Variants in GRID2 observed in about 807,000 individuals in gnomAD.
The protein encoded by GRID2 is glutamate ionotropic receptor delta type subunit 2, also known as glutamate receptor ionotropic, delta-2.
GRID2 carries 33 observed loss-of-function variants against 114.8 expected under a neutral mutation model. The observed-to-expected ratio is 0.29, with a 90% CI of 0.22 to 0.38. The LOEUF (loss-of-function observed/expected upper bound fraction) is 0.38, where lower values mean the gene tolerates loss of function less well. Among genes scored for constraint, GRID2 ranks in the 10% least tolerant of loss-of-function variants. GRID2 has a pLI of 1.00. For synonymous variants in GRID2, 505 were observed against 449.9 expected (o/e 1.12, Z -1.55); for missense variants, 1,184 against 1,257.7 (o/e 0.94, Z 0.89).
At chr4:92,913,214 T>C (rs376117907) in intron 2 of GRID2, among the ~76,000 whole-genome samples, 1 of 152,010 alleles carries the variant, frequency 6.6e-6, no homozygotes, top group East Asian at 1.9e-4. Context: ...GTTTGAAATA[T>C]ATTACAGACA....
At chr4:92,352,243 A>T (rs1474641062) in intron 1 of GRID2, among the ~76,000 whole-genome samples, 1 of 151,876 alleles carries the variant, frequency 6.6e-6, no homozygotes, top group Non-Finnish European at 1.5e-5. Context: ...TCTTATGATT[A>T]GTGGTGACTA....
intron 2 of GRID2, among the ~76,000 whole-genome samples, chr4:92,789,722 G>T (rs2149363533): frequency 6.6e-6 from 1 of 151,820 alleles, no homozygotes; most frequent in South Asian, 2.1e-4. Context: ...TTCTGCTATG[G>T]ATAAGTACAA....
At chr4:93,667,075 A>G (rs1724009148) in intron 14 of GRID2, among the ~76,000 whole-genome samples, 1 of 152,108 alleles carries the variant, frequency 6.6e-6, no homozygotes, top group East Asian at 1.9e-4. Flanking sequence ...GGATCTAGAG[A>G]TAAAAAGACA....
chr4:92,959,422 C>G (rs1166105267), intron 2 of GRID2, among the ~76,000 whole-genome samples: 2 of 150,464 alleles, frequency 1.3e-5, no homozygotes, highest in African/African-American at 4.9e-5. Flanking sequence ...TTTTAATTTT[C>G]TGTTAAGATG....
At chr4:92,890,803 C>A (rs1270805768) in intron 2 of GRID2, among the ~76,000 whole-genome samples, 1 of 152,158 alleles carries the variant, frequency 6.6e-6, no homozygotes, top group African/African-American at 2.4e-5. Flanking sequence ...ACTATAAAGA[C>A]ACATGCACAC....
chr4:92,846,441 A>G (rs1417614648), intron 2 of GRID2, among the ~76,000 whole-genome samples: 1 of 152,084 alleles, frequency 6.6e-6, no homozygotes. Context: ...CTGTTCCTGC[A>G]TTAATTTGCT....
At chr4:92,998,003 T>A (rs1206673171) in intron 2 of GRID2, among the ~76,000 whole-genome samples, 4 of 152,056 alleles carry the variant, frequency 2.6e-5, no homozygotes, top group African/African-American at 9.7e-5. Flanking sequence ...CTAAAAGCTA[T>A]GGCTTTATTT....
intron 2 of GRID2, among the ~76,000 whole-genome samples, chr4:92,968,797 A>G (rs1176845578): frequency 1.3e-5 from 2 of 151,744 alleles, no homozygotes; most frequent in African/African-American, 2.4e-5. Flanking sequence ...TTCTGTCTCT[A>G]TTATGTATTT....
rs1730180455 is a variant in GRID2, at chr4:93,520,078, C to G, written c.2193+4667C>G. 2.6e-5 allele frequency among the ~76,000 whole-genome samples: 4 copies of G among 152,008 alleles called. No homozygotes were observed. The South Asian group carries it at 8.3e-4, about 32-fold the overall frequency. On this transcript the variant is annotated intron_variant, in intron 13 of 15. Transcript: ENST00000282020. ...TGAGGAAGGAAGACAAATCCCAGAC[C>G]CTAAGAACTAGTGAGTAAGCTTACC...
intron 1 of GRID2, among the ~76,000 whole-genome samples, chr4:92,309,811 T>C (rs1244980959): frequency 6.6e-6 from 1 of 151,938 alleles, no homozygotes; most frequent in Non-Finnish European, 1.5e-5. Context: ...ACTTATTCTC[T>C]ATGAATAAAA....
chr4:93,553,652 T>C (rs1734003843), intron 13 of GRID2, among the ~76,000 whole-genome samples: 1 of 152,210 alleles, frequency 6.6e-6, no homozygotes, highest in Non-Finnish European at 1.5e-5. Flanking sequence ...TACAACAAGT[T>C]ATGAACCTAC....
At chr4:93,406,157 G>A (rs1766391355) in intron 9 of GRID2, among the ~76,000 whole-genome samples, 1 of 152,046 alleles carries the variant, frequency 6.6e-6, no homozygotes, top group African/African-American at 2.4e-5. Flanking sequence ...TTCTAACAAG[G>A]ACTGGCCTAA....
intron 1 of GRID2, among the ~76,000 whole-genome samples, chr4:92,516,252 T>A (rs943022676): frequency 6.6e-6 from 1 of 151,956 alleles, no homozygotes; most frequent in Non-Finnish European, 1.5e-5. Context: ...CTATAACTTT[T>A]GACCTTTTGG....
At chr4:93,584,922 G>T (rs146822375) in intron 13 of GRID2, among the ~76,000 whole-genome samples, 1 of 152,108 alleles carries the variant, frequency 6.6e-6, no homozygotes, top group South Asian at 2.1e-4. Flanking sequence ...TGAGAGGAAT[G>T]AGTAGGAGCA....
At chr4:93,529,092 C>G (rs1191110720) in intron 13 of GRID2, among the ~76,000 whole-genome samples, 1 of 152,120 alleles carries the variant, frequency 6.6e-6, no homozygotes, top group East Asian at 1.9e-4. Context: ...GTAATGTCCT[C>G]TCAAAACTAA....
intron 1 of GRID2, among the ~76,000 whole-genome samples, chr4:92,487,657 C>T (rs1172980162): frequency 6.6e-6 from 1 of 152,102 alleles, no homozygotes; most frequent in Non-Finnish European, 1.5e-5. Context: ...TTTCCCCACC[C>T]TTGCTGGCTT....
chr4:93,208,395 A>T (rs191946198), intron 5 of GRID2, among the ~76,000 whole-genome samples: 75 of 152,038 alleles, frequency 4.9e-4, no homozygotes, highest in African/African-American at 1.7e-3. Context: ...CATGTTCATA[A>T]TAAAAGTTAA....
chr4:92,952,446 T>G (rs1752105159), intron 2 of GRID2, among the ~76,000 whole-genome samples: 1 of 152,222 alleles, frequency 6.6e-6, no homozygotes, highest in Non-Finnish European at 1.5e-5. Flanking sequence ...CATGAATGGT[T>G]TGAAATTATT....
At chr4:93,013,312 G>A (rs1294697381) in intron 2 of GRID2, among the ~76,000 whole-genome samples, 1 of 151,792 alleles carries the variant, frequency 6.6e-6, no homozygotes, top group Non-Finnish European at 1.5e-5. Flanking sequence ...TTTTTAATCT[G>A]TATTTATTGA....
Sources: gnomAD v4.1 joint callset for allele counts (sites outside exome capture counted in the v4.1 genomes callset) on GRCh38, gnomAD v4.1.1 for gene constraint, MANE v1.5 for transcripts, NCBI Gene and HGNC (gene_info 2026-07-23, HGNC 2026-07-21) for gene names.